LAMA5: variants seen among roughly 807,000 people sequenced by gnomAD.
LAMA5 encodes the protein laminin subunit alpha 5.
A neutral mutation model predicts 433.4 loss-of-function variants in LAMA5; 260 were observed. That is an observed-to-expected ratio of 0.60 (90% CI 0.54 to 0.66). LAMA5 has a LOEUF of 0.66. Among genes scored for constraint, LAMA5 ranks in the 30% least tolerant of loss-of-function variants. The pLI, the probability that LAMA5 is intolerant of heterozygous loss-of-function variation, is 0.00. For synonymous variants in LAMA5, 2,620 were observed against 2,226.6 expected, an observed-to-expected ratio of 1.18 and a Z score of -4.97; for missense variants, 5,378 against 5,258.5, an observed-to-expected ratio of 1.02 and a Z score of -0.70.
intron 11 of LAMA5, among the ~76,000 whole-genome samples, chr20:62,339,937 T>C (rs1982321982): frequency 6.6e-6 from 1 of 152,100 alleles, no homozygotes. Context: ...ACTCCAGCCA[T>C]AGCCTCTTGA....
chr20:62,355,413 C>A (rs1487541727), intron 2 of LAMA5: 5 of 152,364 alleles, frequency 3.3e-5, no homozygotes, highest in Non-Finnish European at 7.3e-5. Context: ...GCTGTGGGGT[C>A]CCCCATGAAA....
chr20:62,309,622 G>GGT (rs1985930964), intron 79 of LAMA5, 94 bp downstream of exon 79: 2 of 534,372 alleles, frequency 3.7e-6, no homozygotes, highest in Non-Finnish European at 6.0e-6. Context: ...GGTGGGAGGG[G>GGT]GCAGGGGGTG....
chr20:62,318,702 G>A (rs1275475952), intron 52 of LAMA5, 52 bp from the exon 53 acceptor site: 2 of 1,590,290 alleles, frequency 1.3e-6, no homozygotes, highest in East Asian at 2.2e-5. Flanking sequence ...GCCCCTTCAT[G>A]ACCCCTGGTC....
Position 62,310,804 on chromosome 20 carries a change from C to T in LAMA5, c.10307G>A (p.Arg3436Gln), listed in dbSNP as rs560383826. The T allele has an allele frequency of 9.0e-6, 14 of 1,553,206 alleles. No individual in the cohort carries two copies. Among genetic ancestry groups the T allele is most frequent in the Middle Eastern group, 1.7e-4 (1 of 5,808 alleles). The change falls in exon 75 of 80, where the codon CGG becomes CAG. Residue 3436 changes from arginine to glutamine, a missense_variant. Transcript: ENST00000252999. ...HKVSVRWEKN[R>Q]ILLVTDGARA... is the part of the protein sequence containing the mutation. Reference sequence around the variant, plus strand: ...GGCCCCGTCCGTCACCAGCAGGATCCGGTTCTTCTCCCAGCGCACGGAGAC... The same window carrying T: ...GGCCCCGTCCGTCACCAGCAGGATCTGGTTCTTCTCCCAGCGCACGGAGAC...
Position 62,327,571 on chromosome 20 carries a change from C to G in LAMA5, c.4896G>C (p.Gly1632=), listed in dbSNP as rs764465066. ...ACGAGCTCCGGCAGCGCTCCGTGGC[C>G]CCAAAGCAGAAGCAGCGGGTGCAAC... The part of the protein sequence containing the change: ...PKGCTRCFCF[G]ATERCRSSSY... Residue 1632 remains glycine, a synonymous_variant, in exon 37 of 80, where the codon GGG becomes GGC. Transcript: ENST00000252999. The G allele has an allele frequency of 2.1e-5, 34 of 1,612,922 alleles. No homozygotes were observed. The highest frequency in any genetic ancestry group is 2.9e-5 in the Non-Finnish European group (34 of 1,180,004).
intron 25 of LAMA5, 31 bp from the exon 26 acceptor site, chr20:62,333,274 G>A: frequency 1.9e-6 from 3 of 1,576,062 alleles, no homozygotes; most frequent in East Asian, 2.2e-5. Context: ...GTCAGCCCCA[G>A]GTCCACCCAG....
Position 62,315,965 on chromosome 20 carries a change from A to C in LAMA5, c.7850T>G (p.Met2617Arg), listed in dbSNP as rs762456671. Residue 2617 changes from methionine (M) to arginine (R), a missense_variant, in exon 58 of 80, where the codon ATG becomes AGG. Coordinates refer to ENST00000252999, the MANE Select transcript of LAMA5 (RefSeq NM_005560.6). ...CCGCATACCTGTGTCCATGGCAAGCATGGCCTGCGCCGCCTGGATGTGCGC... is the reference window on the plus strand; with the variant it reads ...CCGCATACCTGTGTCCATGGCAAGCCTGGCCTGCGCCGCCTGGATGTGCGC... ...LEAHIQAAQA[M>R]LAMDTDETSK... 3 of 1,604,292 alleles carry C rather than the reference A, an allele frequency of 1.9e-6. No homozygotes were observed. The highest frequency in any genetic ancestry group is 1.7e-6 in the Non-Finnish European group (2 of 1,178,156).
rs764380664 is a variant in LAMA5 at position 62,311,712 on chromosome 20, C to T, written c.9708G>A (p.Pro3236=). Reference sequence around the variant, plus strand: ...GGAGCCTCGGGGGCCCCTCAGGCTGCGGCTGGAGCTCGGGGGGTGGTCCCC... The same window carrying T: ...GGAGCCTCGGGGGCCCCTCAGGCTGTGGCTGGAGCTCGGGGGGTGGTCCCC... ...PHRGPPPELQ[P]QPEGPPRLLL... Residue 3236 remains proline, a synonymous_variant, in exon 71 of 80, where the codon CCG becomes CCA. Coordinates refer to ENST00000252999, the MANE Select transcript of LAMA5 (RefSeq NM_005560.6). The T allele has an allele frequency of 1.2e-5, 19 of 1,567,550 alleles. No individual in the cohort carries two copies. Among genetic ancestry groups the T allele is most frequent in the Admixed American group, 9.5e-5 (5 of 52,466 alleles).
rs1979805370 is a variant in LAMA5 at position 62,328,879 on chromosome 20, C to T, written c.4412G>A (p.Cys1471Tyr). 3 of 1,611,678 alleles carry T rather than the reference C, an allele frequency of 1.9e-6. No homozygotes were observed. The highest frequency in any genetic ancestry group is 1.7e-6 in the Non-Finnish European group (2 of 1,179,512). The stretch of plus-strand genomic sequence containing the variant: ...GGGGAAGCCCCAGTATCCGGTGGCA[C>T]AGCGGGAGCAGTCACGGCCAATGAC... Reference protein sequence around the residue: ...AHVIGRDCSRCATGYWGFPNC... With the variant: ...AHVIGRDCSRYATGYWGFPNC... The change falls in exon 34 of 80, where the codon TGT becomes TAT. Residue 1471 changes from cysteine (C) to tyrosine (Y), a missense_variant. Transcript: ENST00000252999.
In LAMA5 at chr20:62,324,688, G is replaced by GGGTCAGAGGCT; in HGVS notation, c.5530-145_5530-135dup. ...GAACCCGTGGAGCATGGTCACCGCT[G>GGGTCAGAGGCT]GGTCAGAGGCTGGTCAGGAACTCCT... On this transcript the variant is annotated intron_variant, in intron 41 of 79. Transcript: ENST00000252999. The surrounding 1 kb of genome is among the most constrained non-coding windows in gnomAD (Gnocchi z 4.4). 1 of 655,600 alleles carries GGGTCAGAGGCT rather than the reference G, an allele frequency of 1.5e-6. No homozygotes were observed. The highest frequency in any genetic ancestry group is 2.3e-5 in the Admixed American group (1 of 43,552). The allele number at this position is 655,600 out of a possible 1,614,324, so 40.6% of individuals were successfully genotyped here. A position where few individuals can be genotyped will look rare whatever the true frequency, so the allele number is the denominator to read the frequency against.
chr20:62,342,681 AC>A (rs1191403359), intron 11 of LAMA5, among the ~76,000 whole-genome samples: 1 of 150,048 alleles, frequency 6.7e-6, no homozygotes, highest in Non-Finnish European at 1.5e-5. Context: ...TCCGTCTCAA[AC>A]AAAAACAAAA....
intron 69 of LAMA5, 35 bp from the exon 70 acceptor site, chr20:62,312,085 G>C (rs1273124382): frequency 2.5e-6 from 4 of 1,609,548 alleles, no homozygotes; most frequent in Non-Finnish European, 3.4e-6. Flanking sequence ...GGCCGGCCTG[G>C]GGACCCAGAC....
At chr20:62,364,655 G>A (rs927417850) in intron 1 of LAMA5, among the ~76,000 whole-genome samples, 2 of 152,236 alleles carry the variant, frequency 1.3e-5, no homozygotes, top group African/African-American at 4.8e-5. Context: ...TGGCTGCCCA[G>A]TCCCCACCTT....
Position 62,312,681 on chromosome 20 carries a change from C to T in LAMA5, c.9178G>A (p.Ala3060Thr). ...SVEQDNDLEL[A>T]DAYYLGGVPP... ...ACGCCCCCCAGGTAGTAGGCGTCGG[C>T]CAGCTCCAGATCATTGTCCTGCTCC... Residue 3060 changes from alanine (A) to threonine (T), a missense_variant, in exon 67 of 80, where the codon GCC becomes ACC. Coordinates refer to ENST00000252999, the MANE Select transcript of LAMA5 (RefSeq NM_005560.6). The T allele has an allele frequency of 1.9e-6, 3 of 1,607,528 alleles. No homozygotes were observed. The highest frequency in any genetic ancestry group is 2.2e-5 in the East Asian group (1 of 44,456).
Position 62,346,775 on chromosome 20 carries a change from G to A in LAMA5, c.1098C>T (p.Thr366=), listed in dbSNP as rs752412934. The A allele has an allele frequency of 8.7e-6, 14 of 1,612,352 alleles. No individual in the cohort carries two copies. The highest frequency in any genetic ancestry group is 6.6e-5 in the South Asian group (6 of 91,002). ...CQSCNCYGHA[T]DCYYDPEVDR... ...CCACCTCAGGGTCGTAGTAACAGTC[G>A]GTGGCATGGCCGTAGCAGTTACAGG... The change falls in exon 8 of 80, where the codon ACC becomes ACT. Residue 366 remains threonine, a synonymous_variant. Coordinates refer to ENST00000252999, the MANE Select transcript of LAMA5 (RefSeq NM_005560.6).
At position 62,310,081 on chromosome 20, in the gene LAMA5, C is replaced by A. The variant is rs780264701; in HGVS notation, c.10735G>T (p.Val3579Phe). ...YLQLQVTEKQ[V>F]LLRADDGAGE... ...GCTCCGTCATCCGCCCGCAGCAGGA[C>A]CTGGCGGGGTAGGAAGGGAGGGTCA... The change falls in exon 78 of 80, where the codon GTC (valine) becomes TTC (phenylalanine). Residue 3579 changes from valine to phenylalanine, a missense_variant and splice_region_variant. By Grantham distance (50) the Val-to-Phe change is conservative (BLOSUM62 -1). Coordinates refer to ENST00000252999, the MANE Select transcript of LAMA5 (RefSeq NM_005560.6). 1.9e-6 allele frequency: 3 copies of A among 1,610,458 alleles called. No individual in the cohort carries two copies. The highest frequency in any genetic ancestry group is 2.5e-6 in the Non-Finnish European group (3 of 1,179,336).
Position 62,327,852 on chromosome 20 carries a change from C to T in LAMA5, c.4797+14G>A. The T allele has an allele frequency of 6.3e-7, 1 of 1,599,362 alleles. No homozygotes were observed. The highest frequency in any genetic ancestry group is 8.5e-7 in the Non-Finnish European group (1 of 1,172,796). On this transcript the variant is annotated intron_variant, in intron 36 of 79. Transcript: ENST00000252999. ...CGGAGGGAGAGGCCAGATCTGGGCC[C>T]AGCCCTCACTCACCTTACAGTAGCA... is the stretch of plus-strand genomic sequence containing the variant.
chr20:62,314,229 C>T (rs1422554532), intron 62 of LAMA5, 75 bp downstream of exon 62: 45 of 1,534,362 alleles, frequency 2.9e-5, no homozygotes, highest in Non-Finnish European at 3.6e-5. Flanking sequence ...TGGGTGCACA[C>T]GGAGAGGGGA....
rs755326175 is a variant in LAMA5 at position 62,317,363 on chromosome 20, A to G, written c.7493T>C (p.Leu2498Pro). 3.5e-5 allele frequency: 57 copies of G among 1,608,244 alleles called. No individual in the cohort carries two copies. In the African/African-American group the frequency reaches 7.2e-4, roughly 20 times the overall value. Reference sequence around the variant, plus strand: ...CACCCACCTGGACAGATTGAGTGCCAGCTGGCCCAGCTGCTGTGCGTGGGC... The same window carrying G: ...CACCCACCTGGACAGATTGAGTGCCGGCTGGCCCAGCTGCTGTGCGTGGGC... ...AEAHAQQLGQ[L>P]ALNLSSIILD... is the part of the protein sequence containing the mutation. The change falls in exon 55 of 80, where the codon CTG becomes CCG. Residue 2498 changes from leucine (L) to proline (P), a missense_variant. Physicochemically the swap from Leu to Pro is moderately conservative, Grantham distance 98 (BLOSUM62 -3). Coordinates refer to ENST00000252999, the MANE Select transcript of LAMA5 (RefSeq NM_005560.6).
Sources: gnomAD v4.1 joint callset for allele counts (sites outside exome capture counted in the v4.1 genomes callset) on GRCh38, gnomAD v4.1.1 for gene constraint, Gnocchi (gnomAD v3.1) non-coding constraint, MANE v1.5 for transcripts, NCBI Gene and HGNC (gene_info 2026-07-23, HGNC 2026-07-21) for gene names.